Variants in KCNQ1 observed in about 807,000 individuals in gnomAD.
KCNQ1 encodes the protein potassium voltage-gated channel subfamily Q member 1.
A neutral mutation model predicts 72.4 loss-of-function variants in KCNQ1; 49 were observed. The ratio of observed to expected loss-of-function variants is 0.68; its 90% confidence interval spans 0.54 to 0.86. The LOEUF is 0.86. KCNQ1 is among the 40% of genes least tolerant of loss of function. The pLI is 0.00. For missense variants in KCNQ1, 790 were observed against 945.1 expected (o/e 0.84, Z 2.15); for synonymous variants, 450 against 412.6 (o/e 1.09, Z -1.10).
At chr11:2,806,608 C>A (rs1847379012) in intron 15 of KCNQ1, among the ~76,000 whole-genome samples, 1 of 152,226 alleles carries the variant, frequency 6.6e-6, no homozygotes, top group Non-Finnish European at 1.5e-5. Context: ...TCCGAGGAGG[C>A]TGCAGGTAAC....
intron 11 of KCNQ1, chr11:2,667,155 C>T (rs764942864): frequency 5.8e-5 from 23 of 398,532 alleles, no homozygotes; most frequent in Non-Finnish European, 7.5e-5. Context: ...ATCAGATGCC[C>T]TCAATCTGGC....
rs557055160 is a variant in KCNQ1 at position 2,473,579 on chromosome 11, G to A, written c.386+28095G>A. The stretch of plus-strand genomic sequence containing the variant: ...CTCAGCATGGCACAGACGCTCAGCC[G>A]TGTCATGTGGCTTGTAGAGCGAGGG... On this transcript the variant is annotated intron_variant, in intron 1 of 15. Coordinates refer to ENST00000155840, the MANE Select transcript of KCNQ1 (RefSeq NM_000218.3). This position sits in a 1 kb window ranked among gnomAD's most constrained non-coding sequence, Gnocchi z 6.0. 9.8e-5 allele frequency among the ~76,000 whole-genome samples: 15 copies of A among 152,358 alleles called. No homozygotes were observed. The highest frequency in any genetic ancestry group is 3.9e-4 in the Admixed American group (6 of 15,310).
At chr11:2,524,419 C>A (rs1398846749) in intron 1 of KCNQ1, among the ~76,000 whole-genome samples, 1 of 152,192 alleles carries the variant, frequency 6.6e-6, no homozygotes, top group Non-Finnish European at 1.5e-5. Flanking sequence ...AGTTTCCCTA[C>A]TTGTAGCATG....
intron 3 of KCNQ1, 65 bp downstream of exon 3, chr11:2,570,819 A>T: frequency 6.3e-7 from 1 of 1,598,074 alleles, no homozygotes; most frequent in Non-Finnish European, 8.5e-7. Flanking sequence ...CCCCCACCTC[A>T]TGACCCCTAC....
intron 2 of KCNQ1, among the ~76,000 whole-genome samples, chr11:2,558,441 G>C (rs1222132042): frequency 6.6e-6 from 1 of 152,204 alleles, no homozygotes; most frequent in African/African-American, 2.4e-5. Flanking sequence ...GGTCCACATA[G>C]TTTTTGCTTC....
In KCNQ1 at chr11:2,661,907, C is replaced by T; in HGVS notation, c.1394-54C>T. 3.3e-5 allele frequency: 54 copies of T among 1,612,882 alleles called. No homozygotes were observed. The highest frequency in any genetic ancestry group is 4.3e-5 in the Non-Finnish European group (51 of 1,179,144). ...GGAGCTCACAGGCCTGGCTCCACAGCACTGGCAGGTTGGGTGGGAGGCCTA... is the reference window on the plus strand; with the variant it reads ...GGAGCTCACAGGCCTGGCTCCACAGTACTGGCAGGTTGGGTGGGAGGCCTA... On this transcript the variant is annotated intron_variant, in intron 10 of 15. Transcript: ENST00000155840. This position sits in a 1 kb window ranked among gnomAD's most constrained non-coding sequence, Gnocchi z 5.9.
chr11:2,736,607 G>A (rs1369104850), intron 11 of KCNQ1, among the ~76,000 whole-genome samples: 2 of 152,150 alleles, frequency 1.3e-5, no homozygotes, highest in African/African-American at 4.8e-5. Flanking sequence ...CTTGCTTAGG[G>A]CCGTCCCTCC....
At chr11:2,556,961 T>G (rs889300663) in intron 2 of KCNQ1, among the ~76,000 whole-genome samples, 2 of 152,200 alleles carry the variant, frequency 1.3e-5, no homozygotes, top group Non-Finnish European at 2.9e-5. Context: ...TCAAATCAAA[T>G]GCCTCCAACT....
rs1846236152 is a variant in KCNQ1, at chr11:2,458,995, C to T, written c.386+13511C>T. On this transcript the variant is annotated intron_variant, in intron 1 of 15. Transcript: ENST00000155840. This position sits in a 1 kb window ranked among gnomAD's most constrained non-coding sequence, Gnocchi z 4.6. The stretch of plus-strand genomic sequence containing the variant: ...ATGTTCCATTTTTGCCCATGCCGCA[C>T]CTGCCATGGTGCATTTCTGATTCCC... 6.6e-6 allele frequency among the ~76,000 whole-genome samples: 1 copy of T among 152,230 alleles called. No homozygotes were observed. The highest frequency in any genetic ancestry group is 2.1e-4 in the South Asian group (1 of 4,834).
intron 11 of KCNQ1, chr11:2,689,067 CG>C (rs2133889812): frequency 2.5e-6 from 1 of 398,788 alleles, no homozygotes; most frequent in South Asian, 1.3e-4. Context: ...TCCTCCTCCC[CG>C]GTGGCACATC....
rs1483552909 is a variant in KCNQ1 at position 2,652,622 on chromosome 11, G to GGA, written c.1394-9336_1394-9335dup. On this transcript the variant is annotated intron_variant, in intron 10 of 15. Coordinates refer to ENST00000155840, the MANE Select transcript of KCNQ1 (RefSeq NM_000218.3). This position sits in a 1 kb window ranked among gnomAD's most constrained non-coding sequence, Gnocchi z 5.9. ...AACCTTCCCCTGAAAATGTGTCTTG[G>GGA]GAGACCTAGACAGTGACTTCCTGCA... 1 of 398,460 alleles carries GGA rather than the reference G, an allele frequency of 2.5e-6. No homozygotes were observed. The highest frequency in any genetic ancestry group is 4.4e-6 in the Non-Finnish European group (1 of 226,102). 24.7% of individuals were successfully genotyped at this position (398,460 alleles called of 1,614,324 possible).
At chr11:2,597,988 G>T (rs1343654462) in intron 10 of KCNQ1, among the ~76,000 whole-genome samples, 3 of 151,990 alleles carry the variant, frequency 2.0e-5, no homozygotes, top group African/African-American at 7.2e-5. Flanking sequence ...AAGCACATGA[G>T]AAATTTATGT....
intron 11 of KCNQ1, among the ~76,000 whole-genome samples, chr11:2,737,693 C>T (rs1845981929): frequency 1.3e-5 from 2 of 152,200 alleles, no homozygotes; most frequent in African/African-American, 4.8e-5. Flanking sequence ...TAAAACACGG[C>T]TGGTGGGTCC....
rs138744097 is a variant in KCNQ1 at position 2,717,314 on chromosome 11, G to C, written c.1515-51530G>C. On this transcript the variant is annotated intron_variant, in intron 11 of 15. Coordinates refer to ENST00000155840, the MANE Select transcript of KCNQ1 (RefSeq NM_000218.3). ...CAGCTTGAGGGTTACCCCAGAGTGAGAGCCTCGACAGCCAGGCCCTCCCAG... is the reference window on the plus strand; with the variant it reads ...CAGCTTGAGGGTTACCCCAGAGTGACAGCCTCGACAGCCAGGCCCTCCCAG... 5.6e-3 allele frequency among the ~76,000 whole-genome samples: 847 copies of C among 152,282 alleles called. 3 individuals carry two copies. The highest frequency in any genetic ancestry group is 0.019 in the African/African-American group (795 of 41,548).
intron 10 of KCNQ1, chr11:2,628,082 A>G (rs1849289867): frequency 5.0e-6 from 2 of 398,500 alleles, no homozygotes; most frequent in Non-Finnish European, 8.8e-6. Flanking sequence ...TGACTACTGT[A>G]ACACTACAAT....
rs956473628 is a variant in KCNQ1 at position 2,468,747 on chromosome 11, C to T, written c.386+23263C>T. Reference sequence around the variant, plus strand: ...TGAGCTGTGTGTCTGTTGTGTGTGTCGGCCTGTTGTTTGGGTAGAGCCTAC... The same window carrying T: ...TGAGCTGTGTGTCTGTTGTGTGTGTTGGCCTGTTGTTTGGGTAGAGCCTAC... On this transcript the variant is annotated intron_variant, in intron 1 of 15. Coordinates refer to ENST00000155840, the MANE Select transcript of KCNQ1 (RefSeq NM_000218.3). The surrounding 1 kb of genome is among the most constrained non-coding windows in gnomAD (Gnocchi z 5.7). Among the ~76,000 whole-genome samples, 3 of 152,154 alleles carry T rather than the reference C, an allele frequency of 2.0e-5. No homozygotes were observed. The highest frequency in any genetic ancestry group is 6.5e-5 in the Admixed American group (1 of 15,270).
At position 2,769,232 on chromosome 11, in the gene KCNQ1, A is replaced by G. The variant is rs1846550268; in HGVS notation, c.1590+313A>G. ...TCCCGTGGGGTGGGTCGTGCAAGGC[A>G]GCATTAGTGAGAGATGTGAGGGTGA... On this transcript the variant is annotated intron_variant, in intron 12 of 15. Coordinates refer to ENST00000155840, the MANE Select transcript of KCNQ1 (RefSeq NM_000218.3). This position sits in a 1 kb window ranked among gnomAD's most constrained non-coding sequence, Gnocchi z 4.6. Among the ~76,000 whole-genome samples, 1 of 152,070 alleles carries G rather than the reference A, an allele frequency of 6.6e-6. No individual in the cohort carries two copies. Among genetic ancestry groups the G allele is most frequent in the Non-Finnish European group, 1.5e-5 (1 of 68,002 alleles).
In KCNQ1 at chr11:2,822,524, C is replaced by A. The variant is rs1433210871; in HGVS notation, c.1795-25243C>A. ...TAAAGGCTACATAATAAGTTGTGAGCCTACCTAGGGTATTAGCAGAGGTGT... is the reference window on the plus strand; with the variant it reads ...TAAAGGCTACATAATAAGTTGTGAGACTACCTAGGGTATTAGCAGAGGTGT... On this transcript the variant is annotated intron_variant, in intron 15 of 15. Transcript: ENST00000155840. Among the ~76,000 whole-genome samples the A allele has an allele frequency of 2.0e-5, 3 of 152,208 alleles. No individual in the cohort carries two copies. The East Asian group carries it at 5.8e-4, about 29-fold the overall frequency.
At chr11:2,576,596 G>A (rs979926172) in intron 6 of KCNQ1, among the ~76,000 whole-genome samples, 3 of 152,206 alleles carry the variant, frequency 2.0e-5, no homozygotes, top group Admixed American at 6.5e-5. Flanking sequence ...CATTTCAGCC[G>A]CCTTTTGAAG....
Sources: allele counts gnomAD v4.1 joint callset (sites outside exome capture counted in the v4.1 genomes callset), GRCh38; gene constraint gnomAD v4.1.1; non-coding constraint Gnocchi (gnomAD v3.1); transcripts MANE v1.5; gene names NCBI Gene and HGNC (gene_info 2026-07-23, HGNC 2026-07-21).